Variants in IFNE observed in about 807,000 individuals in gnomAD.
IFNE encodes the protein interferon epsilon.
For synonymous variants in IFNE, 94 were observed against 87.4 expected (o/e 1.08, Z -0.42); for missense variants, 276 against 232.4 (o/e 1.19, Z -1.22).
At position 21,481,166 on chromosome 9, in the gene IFNE, A is replaced by G; in HGVS notation, c.529T>C (p.Phe177Leu). ...TTTTCTGTGAGACTGAACACAAAGA[A>G]CAGACATCGGCTGATTTCTACTTGG... ...IVQVEISRCL[F>L]FVFSLTEKLS... The change falls in exon 1 of 1, where the codon TTC (phenylalanine) becomes CTC (leucine). Residue 177 changes from phenylalanine (F) to leucine (L), a missense_variant. Phe to Leu is a conservative substitution (Grantham distance 22). Transcript: ENST00000448696. The G allele has an allele frequency of 6.2e-7, 1 of 1,614,158 alleles. No homozygotes were observed. Among genetic ancestry groups the G allele is most frequent in the Non-Finnish European group, 8.5e-7 (1 of 1,179,994 alleles).
At position 21,481,290 on chromosome 9, in the gene IFNE, C is replaced by G. The variant is rs1016137835; in HGVS notation, c.405G>C (p.Leu135Phe). 6.2e-7 allele frequency: 1 copy of G among 1,613,930 alleles called. No individual in the cohort carries two copies. Among genetic ancestry groups the G allele is most frequent in the African/African-American group, 1.3e-5 (1 of 74,898 alleles). ...GLEAEKLSGT[L>F]GSDNLRLQVK... is the part of the protein sequence containing the mutation. Reference sequence around the variant, plus strand: ...CTTGTAATCTAAGGTTATCACTACCCAAAGTACCACTTAGCTTCTCTGCTT... The same window carrying G: ...CTTGTAATCTAAGGTTATCACTACCGAAAGTACCACTTAGCTTCTCTGCTT... Residue 135 changes from leucine to phenylalanine, a missense_variant, in exon 1 of 1, where the codon TTG (leucine) becomes TTC (phenylalanine). Physicochemically the swap from Leu to Phe is conservative, Grantham distance 22 (BLOSUM62 0). Transcript: ENST00000448696.
chr9:21,481,929 C>A lies in IFNE; in HGVS notation c.-235G>T. On this transcript the variant is annotated 5_prime_UTR_variant, in exon 1 of 1. Coordinates refer to ENST00000448696, the MANE Select transcript of IFNE (RefSeq NM_176891.5). ...TGTGTTGGCTATTTTGAGGAAGTAC[C>A]AAAATAACTTATTCATTGTATGCTT... 1 of 483,840 alleles carries A rather than the reference C, an allele frequency of 2.1e-6. No homozygotes were observed. Among genetic ancestry groups the A allele is most frequent in the Non-Finnish European group, 3.8e-6 (1 of 266,120 alleles). The allele number at this position is 483,840 out of a possible 1,614,324, so 30.0% of individuals were successfully genotyped here.
In IFNE at chr9:21,481,528, T is replaced by C. The variant is rs886096488; in HGVS notation, c.167A>G (p.His56Arg). Residue 56 changes from histidine (H) to arginine (R), a missense_variant, in exon 1 of 1, where the codon CAC (histidine) becomes CGC (arginine). Physicochemically the swap from His to Arg is conservative, Grantham distance 29. Coordinates refer to ENST00000448696, the MANE Select transcript of IFNE (RefSeq NM_176891.5). ...QTLSIQQCLPHRKNFLLPQKS... is the reference protein window; with the variant it reads ...QTLSIQQCLPRRKNFLLPQKS... ...CTGAGGAAGCAGAAAGTTTTTCCTG[T>C]GTGGTAGACACTGCTGAATTGACAA... The C allele has an allele frequency of 1.9e-6, 3 of 1,614,004 alleles. No individual in the cohort carries two copies. The highest frequency in any genetic ancestry group is 2.5e-6 in the Non-Finnish European group (3 of 1,180,004).
chr9:21,481,939 T>C lies in IFNE; in HGVS notation c.-245A>G, dbSNP rs1336913355. On this transcript the variant is annotated 5_prime_UTR_variant, in exon 1 of 1. The change creates a new upstream start codon in the 5' untranslated region. Transcript: ENST00000448696. The stretch of plus-strand genomic sequence containing the variant: ...ATTTTGAGGAAGTACCAAAATAACT[T>C]ATTCATTGTATGCTTTCCTTGAGGC... The C allele has an allele frequency of 1.9e-5, 9 of 461,770 alleles. No individual in the cohort carries two copies. The South Asian group carries it at 3.1e-4, about 16-fold the overall frequency. 28.6% of individuals were successfully genotyped at this position (461,770 alleles called of 1,614,324 possible). A position where few individuals can be genotyped will look rare whatever the true frequency, so the allele number is the denominator to read the frequency against.
At chr9:21,481,439 GAAGCATC>G in the IFNE span, 23 of 1,614,042 alleles carry the variant, frequency 1.4e-5, no homozygotes, top group Non-Finnish European at 1.8e-5. Flanking sequence ...AAGATCTGCT[GAAGCATC>G]TCATGGAGAA....
Position 21,481,232 on chromosome 9 carries a change from G to C in IFNE, c.463C>G (p.Leu155Val), listed in dbSNP as rs143041680. 2.5e-4 allele frequency: 410 copies of C among 1,614,104 alleles called. 1 individual carries two copies. In the Middle Eastern group the frequency reaches 2.6e-3, roughly 10 times the overall value. ...KMYFRRIHDY[L>V]ENQDYSTCAW... ...CAGGTGCTGTAGTCCTGGTTTTCCA[G>C]GTAATCATGGATCCTTCGGAAGTAC... The change falls in exon 1 of 1, where the codon CTG (leucine) becomes GTG (valine). Residue 155 changes from leucine to valine, a missense_variant. Coordinates refer to ENST00000448696, the MANE Select transcript of IFNE (RefSeq NM_176891.5).
Position 21,481,825 on chromosome 9 carries a change from T to A in IFNE, c.-131A>T. ...CTTTTGTTGCTTTCGTTTTCTAATG[T>A]CATTTCTCCAAGTTTACACATTAGA... On this transcript the variant is annotated 5_prime_UTR_variant, in exon 1 of 1. Coordinates refer to ENST00000448696, the MANE Select transcript of IFNE (RefSeq NM_176891.5). 1.2e-6 allele frequency: 1 copy of A among 811,160 alleles called. No homozygotes were observed. Among genetic ancestry groups the A allele is most frequent in the Non-Finnish European group, 1.9e-6 (1 of 513,934 alleles). 50.2% of individuals were successfully genotyped at this position (811,160 alleles called of 1,614,324 possible).
rs1035570045 is a variant in IFNE, at chr9:21,481,981, T to C, written c.-287A>G. 3 of 320,746 alleles carry C rather than the reference T, an allele frequency of 9.4e-6. No individual in the cohort carries two copies. The highest frequency in any genetic ancestry group is 1.2e-5 in the Non-Finnish European group (2 of 166,636). 19.9% of individuals were successfully genotyped at this position (320,746 alleles called of 1,614,324 possible). A position where few individuals can be genotyped will look rare whatever the true frequency, so the allele number is the denominator to read the frequency against. On this transcript the variant is annotated 5_prime_UTR_variant, in exon 1 of 1. The change abolishes an upstream ATG in the 5' untranslated region. Transcript: ENST00000448696. ...CCTTGAGGCAATTACAGACTAGTCA[T>C]CCAACATAATCTTTTATTATTCTAT...
chr9:21,481,910 G>A lies in IFNE; in HGVS notation c.-216C>T, dbSNP rs1015910059. On this transcript the variant is annotated 5_prime_UTR_variant, in exon 1 of 1. Transcript: ENST00000448696. ...ATTTTCTCCATTTCCCTATTGTGTT[G>A]GCTATTTTGAGGAAGTACCAAAATA... is the stretch of plus-strand genomic sequence containing the variant. 25 of 520,638 alleles carry A rather than the reference G, an allele frequency of 4.8e-5. No homozygotes were observed. In the South Asian group the frequency reaches 5.4e-4, roughly 11 times the overall value. The allele number at this position is 520,638 out of a possible 1,614,324, so 32.3% of individuals were successfully genotyped here. A position where few individuals can be genotyped will look rare whatever the true frequency, so the allele number is the denominator to read the frequency against.
Position 21,481,613 on chromosome 9 carries a change from T to C in IFNE, c.82A>G (p.Ile28Val). Reference protein sequence around the residue: ...TIFSLDLKLIIFQQRQVNQES... With the variant: ...TIFSLDLKLIVFQQRQVNQES... ...TGATTCACTTGTCTTTGCTGGAAGATAATCAGTTTCAAATCTAGAGAGAAG... is the reference window on the plus strand; with the variant it reads ...TGATTCACTTGTCTTTGCTGGAAGACAATCAGTTTCAAATCTAGAGAGAAG... The change falls in exon 1 of 1, where the codon ATC becomes GTC. Residue 28 changes from isoleucine to valine, a missense_variant. Coordinates refer to ENST00000448696, the MANE Select transcript of IFNE (RefSeq NM_176891.5). 6.2e-7 allele frequency: 1 copy of C among 1,614,080 alleles called. No homozygotes were observed. The highest frequency in any genetic ancestry group is 8.5e-7 in the Non-Finnish European group (1 of 1,179,940).
chr9:21,482,299 A>G lies in IFNE; in HGVS notation c.-605T>C, dbSNP rs1263310701. 6.0e-6 allele frequency: 1 copy of G among 166,282 alleles called. No individual in the cohort carries two copies. The highest frequency in any genetic ancestry group is 1.9e-4 in the East Asian group (1 of 5,212). 10.3% of individuals were successfully genotyped at this position (166,282 alleles called of 1,614,324 possible). A position where few individuals can be genotyped will look rare whatever the true frequency, so the allele number is the denominator to read the frequency against. On this transcript the variant is annotated 5_prime_UTR_variant, in exon 1 of 1. Coordinates refer to ENST00000448696, the MANE Select transcript of IFNE (RefSeq NM_176891.5). ...AAATTATTTTATATCTTATCCTATCAGTTTAATATCTAAGATTCTAGCCTA... is the reference window on the plus strand; with the variant it reads ...AAATTATTTTATATCTTATCCTATCGGTTTAATATCTAAGATTCTAGCCTA...
At position 21,481,119 on chromosome 9, in the gene IFNE, G is replaced by C; in HGVS notation, c.576C>G (p.Pro192=). ...TAAGCTCTTGCTTCATGTCGTTCAA[G>C]GGTCTTCCTTGTTTGCTCAGTTTTT... is the stretch of plus-strand genomic sequence containing the variant. ...LTEKLSKQGR[P]LNDMKQELTT... is the part of the protein sequence containing the mutation. Residue 192 remains proline, a synonymous_variant, in exon 1 of 1, where the codon CCC becomes CCG. Coordinates refer to ENST00000448696, the MANE Select transcript of IFNE (RefSeq NM_176891.5). 1.2e-6 allele frequency: 2 copies of C among 1,613,908 alleles called. No individual in the cohort carries two copies. The highest frequency in any genetic ancestry group is 1.7e-6 in the Non-Finnish European group (2 of 1,179,908).
At position 21,481,337 on chromosome 9, in the gene IFNE, G is replaced by C; in HGVS notation, c.358C>G (p.Leu120Val). 6.2e-7 allele frequency: 1 copy of C among 1,614,104 alleles called. No homozygotes were observed. Among genetic ancestry groups the C allele is most frequent in the Non-Finnish European group, 8.5e-7 (1 of 1,179,984 alleles). The change falls in exon 1 of 1, where the codon CTA becomes GTA. Residue 120 changes from leucine to valine, a missense_variant. Physicochemically the swap from Leu to Val is conservative, Grantham distance 32. Transcript: ENST00000448696. Reference protein sequence around the residue: ...LIQLHQQLEYLEALMGLEAEK... With the variant: ...LIQLHQQLEYVEALMGLEAEK... Reference sequence around the variant, plus strand: ...GCTTCCAGTCCCATGAGTGCTTCTAGGTATTCTAGCTGTTGATGAAGTTGA... The same window carrying C: ...GCTTCCAGTCCCATGAGTGCTTCTACGTATTCTAGCTGTTGATGAAGTTGA...
Position 21,481,425 on chromosome 9 carries a change from G to A in IFNE, c.270C>T (p.Ser90=). 2 of 1,614,078 alleles carry A rather than the reference G, an allele frequency of 1.2e-6. No individual in the cohort carries two copies. The highest frequency in any genetic ancestry group is 1.3e-5 in the African/African-American group (1 of 75,008). ...ILHEMLQQIF[S]LFRANISLDG... is the part of the protein sequence containing the mutation. ...CCAGAGAAATATTTGCCCTGAAGAG[G>A]CTGAAGATCTGCTGAAGCATCTCAT... The change falls in exon 1 of 1, where the codon AGC becomes AGT. Residue 90 remains serine (S), a synonymous_variant. Coordinates refer to ENST00000448696, the MANE Select transcript of IFNE (RefSeq NM_176891.5).
chr9:21,481,361 G>A, the IFNE span: 1 of 1,614,158 alleles, frequency 6.2e-7, no homozygotes. Flanking sequence ...TGATGAAGTT[G>A]AATGAGGAAT....
chr9:21,481,934 T>C lies in IFNE; in HGVS notation c.-240A>G. On this transcript the variant is annotated 5_prime_UTR_variant, in exon 1 of 1. Coordinates refer to ENST00000448696, the MANE Select transcript of IFNE (RefSeq NM_176891.5). ...TGGCTATTTTGAGGAAGTACCAAAA[T>C]AACTTATTCATTGTATGCTTTCCTT... is the stretch of plus-strand genomic sequence containing the variant. The C allele has an allele frequency of 2.1e-6, 1 of 476,860 alleles. No homozygotes were observed. Among genetic ancestry groups the C allele is most frequent in the East Asian group, 3.7e-5 (1 of 26,752 alleles). 29.5% of individuals were successfully genotyped at this position (476,860 alleles called of 1,614,324 possible).
the IFNE span, chr9:21,481,268 G>A: frequency 6.2e-7 from 1 of 1,614,064 alleles, no homozygotes; most frequent in Non-Finnish European, 8.5e-7. Context: ...ATTTTAACTT[G>A]TAATCTAAGG....
chr9:21,481,484 G>A, the IFNE span: 35,159 of 1,614,016 alleles, frequency 0.022, 2,126 homozygotes, highest in East Asian at 0.18. Context: ...TTTTGGTACT[G>A]CTGAGGACTC....
chr9:21,481,718 A>C lies in IFNE; in HGVS notation c.-24T>G. 1.3e-6 allele frequency: 2 copies of C among 1,585,948 alleles called. No homozygotes were observed. The highest frequency in any genetic ancestry group is 1.7e-6 in the Non-Finnish European group (2 of 1,166,680). Reference sequence around the variant, plus strand: ...ATGGTGAAGGTCAAATATGCTACTTATCCCTGCATAGACTTAGGGAAATTC... The same window carrying C: ...ATGGTGAAGGTCAAATATGCTACTTCTCCCTGCATAGACTTAGGGAAATTC... On this transcript the variant is annotated 5_prime_UTR_variant, in exon 1 of 1. It removes the in-frame stop codon of an upstream open reading frame in the 5' UTR. Transcript: ENST00000448696.
Sources: allele counts gnomAD v4.1 joint callset, GRCh38; gene constraint gnomAD v4.1.1; transcripts MANE v1.5; gene names NCBI Gene and HGNC (gene_info 2026-07-23, HGNC 2026-07-21).